ZEB1: variants seen among roughly 807,000 people sequenced by gnomAD.
The protein encoded by ZEB1 is zinc finger E-box binding homeobox 1.
Under a neutral mutation model 84.9 loss-of-function variants are expected in ZEB1, and 21 were observed. The ratio of observed to expected loss-of-function variants is 0.25; its 90% CI spans 0.18 to 0.36. The LOEUF is 0.36. Among genes scored for constraint, ZEB1 ranks in the 10% least tolerant of loss-of-function variants. ZEB1 has a pLI of 1.00. For synonymous variants in ZEB1, 420 were observed against 471.1 expected (o/e 0.89, Z 1.41); for missense variants, 1,104 against 1,330.2 (o/e 0.83, Z 2.65).
intron 1 of ZEB1, among the ~76,000 whole-genome samples, chr10:31,446,056 T>G (rs1368296768): frequency 2.1e-5 from 3 of 143,376 alleles, no homozygotes; most frequent in Non-Finnish European, 4.6e-5. Flanking sequence ...TGGACTCTTT[T>G]TGGTTGGTAA....
intron 1 of ZEB1, among the ~76,000 whole-genome samples, chr10:31,432,923 C>T (rs1178612884): frequency 6.6e-6 from 1 of 152,160 alleles, no homozygotes; most frequent in Non-Finnish European, 1.5e-5. Flanking sequence ...ATTCTCATAT[C>T]TGCTTCTATA....
At chr10:31,325,447 A>G (rs894226810) in intron 1 of ZEB1, among the ~76,000 whole-genome samples, 10 of 152,048 alleles carry the variant, frequency 6.6e-5, no homozygotes, top group African/African-American at 2.2e-4. Flanking sequence ...GATTGCATTT[A>G]TCTGTCCATA....
chr10:31,440,400 C>G (rs889966094), intron 1 of ZEB1, among the ~76,000 whole-genome samples: 2 of 152,054 alleles, frequency 1.3e-5, no homozygotes, highest in Admixed American at 6.6e-5. Flanking sequence ...ATTGATGGGA[C>G]GTATCTCAAA....
intron 1 of ZEB1, among the ~76,000 whole-genome samples, chr10:31,345,091 A>T (rs1037719564): frequency 3.3e-5 from 5 of 152,110 alleles, no homozygotes; most frequent in Non-Finnish European, 5.9e-5. Context: ...AATTTGGGAG[A>T]GGCAGAAGGG....
Position 31,380,306 on chromosome 10 carries a change from C to T in ZEB1, c.58+61014C>T, listed in dbSNP as rs541768284. Among the ~76,000 whole-genome samples, 12 of 152,190 alleles carry T rather than the reference C, an allele frequency of 7.9e-5. No individual in the cohort carries two copies. The South Asian group carries it at 2.1e-3, about 26-fold the overall frequency. On this transcript the variant is annotated intron_variant, in intron 1 of 8. Coordinates refer to ENST00000424869, the MANE Select transcript of ZEB1 (RefSeq NM_001174096.2). Reference sequence around the variant, plus strand: ...GTTCCTGTAGCCTCTGAATTTCCTGCGAACTAAAAGTTGGCTTGAAAGACT... The same window carrying T: ...GTTCCTGTAGCCTCTGAATTTCCTGTGAACTAAAAGTTGGCTTGAAAGACT...
intron 1 of ZEB1, among the ~76,000 whole-genome samples, chr10:31,449,974 G>C (rs1322824944): frequency 6.6e-6 from 1 of 152,170 alleles, no homozygotes; most frequent in African/African-American, 2.4e-5. Context: ...ACATGCTCAA[G>C]GTGACAAGGC....
intron 1 of ZEB1, among the ~76,000 whole-genome samples, chr10:31,342,787 C>A (rs578062404): frequency 8.5e-5 from 13 of 152,106 alleles, no homozygotes; most frequent in Non-Finnish European, 1.6e-4. Flanking sequence ...TAATTTATTT[C>A]CCCCATATGG....
chr10:31,366,452 G>A (rs927084019), intron 1 of ZEB1, among the ~76,000 whole-genome samples: 8 of 152,040 alleles, frequency 5.3e-5, no homozygotes, highest in Non-Finnish European at 1.2e-4. Flanking sequence ...ACTGCGCCTG[G>A]CCATAATTTA....
chr10:31,329,602 A>G (rs10763863), intron 1 of ZEB1, among the ~76,000 whole-genome samples: 37,740 of 152,138 alleles, frequency 0.25, 10,308 homozygotes, highest in African/African-American at 0.68. Context: ...TATAGTAAGT[A>G]TATGTTTAAC....
intron 3 of ZEB1, among the ~76,000 whole-genome samples, chr10:31,501,933 G>C (rs1315428184): frequency 6.6e-6 from 1 of 152,236 alleles, no homozygotes; most frequent in South Asian, 2.1e-4. Flanking sequence ...ACAGATAAGG[G>C]GCTGTCTATT....
intron 1 of ZEB1, among the ~76,000 whole-genome samples, chr10:31,345,790 A>G (rs749157811): frequency 1.3e-5 from 2 of 152,182 alleles, no homozygotes; most frequent in Non-Finnish European, 2.9e-5. Flanking sequence ...GAGAGAGCCT[A>G]GAAAACTTTT....
intron 1 of ZEB1, among the ~76,000 whole-genome samples, chr10:31,340,831 G>T (rs1590099575): frequency 6.6e-6 from 1 of 152,106 alleles, no homozygotes; most frequent in Admixed American, 6.5e-5. Flanking sequence ...GGTAGATATT[G>T]ATTGTGAGTG....
chr10:31,521,999 C>T, intron 7 of ZEB1, 63 bp downstream of exon 7: 3 of 1,606,814 alleles, frequency 1.9e-6, no homozygotes, highest in Non-Finnish European at 1.7e-6. Flanking sequence ...TTTCAATTAA[C>T]TTTGTCTAAT....
At chr10:31,365,287 C>G (rs1313825335) in intron 1 of ZEB1, among the ~76,000 whole-genome samples, 3 of 152,174 alleles carry the variant, frequency 2.0e-5, no homozygotes, top group African/African-American at 7.2e-5. Flanking sequence ...CAACTATTCA[C>G]CACACATGAT....
At chr10:31,464,139 A>G (rs2062116970) in intron 2 of ZEB1, among the ~76,000 whole-genome samples, 2 of 152,212 alleles carry the variant, frequency 1.3e-5, no homozygotes, top group South Asian at 4.1e-4. Context: ...AAACAGGGTT[A>G]AAGAAAAATT....
At chr10:31,496,094 T>G (rs1281034453) in intron 3 of ZEB1, among the ~76,000 whole-genome samples, 1 of 152,092 alleles carries the variant, frequency 6.6e-6, no homozygotes, top group Non-Finnish European at 1.5e-5. Flanking sequence ...AACCTACAGA[T>G]AATCCAAAAA....
intron 1 of ZEB1, among the ~76,000 whole-genome samples, chr10:31,458,747 T>C (rs985657648): frequency 4.6e-5 from 7 of 152,086 alleles, no homozygotes; most frequent in Non-Finnish European, 8.8e-5. Context: ...AAATTATACA[T>C]ATTTACAAGA....
intron 1 of ZEB1, chr10:31,321,378 G>A (rs999482112): frequency 3.9e-6 from 6 of 1,551,330 alleles, no homozygotes; most frequent in Non-Finnish European, 5.2e-6. Flanking sequence ...GATTATAAAC[G>A]AAAGGTATTT....
At chr10:31,479,079 C>T (rs539807141) in intron 2 of ZEB1, among the ~76,000 whole-genome samples, 1 of 151,706 alleles carries the variant, frequency 6.6e-6, no homozygotes, top group South Asian at 2.1e-4. Flanking sequence ...TGATACTAAA[C>T]AAAGACAGAG....
Sources: allele counts gnomAD v4.1 joint callset (sites outside exome capture counted in the v4.1 genomes callset), GRCh38; gene constraint gnomAD v4.1.1; transcripts MANE v1.5; gene names NCBI Gene and HGNC (gene_info 2026-07-23, HGNC 2026-07-21).